Variants in HIPK1 observed in about 807,000 individuals in gnomAD.
HIPK1 encodes homeodomain-interacting protein kinase 1.
Under a neutral mutation model 117.1 loss-of-function variants are expected in HIPK1, and 28 were observed. That is an observed-to-expected ratio of 0.24 (90% CI 0.18 to 0.33). The LOEUF (loss-of-function observed/expected upper bound fraction) is 0.33, where lower values mean the gene tolerates loss of function less well. Ranked by LOEUF, HIPK1 falls within the 10% of genes least tolerant of loss-of-function variation. HIPK1 has a pLI of 1.00. For synonymous variants in HIPK1, 605 were observed against 562.5 expected (o/e 1.08, Z -1.07); for missense variants, 1,122 against 1,475.1 (o/e 0.76, Z 3.92).
At position 113,972,194 on chromosome 1, in the gene HIPK1, G is replaced by A. The variant is rs373102804; in HGVS notation, c.3144+240G>A. ...GACCTCCCTAAGTCTACCCTGGAAG[G>A]TTAGAGAAACGTCTGGGATTTAGAA... On this transcript the variant is annotated intron_variant, in intron 15 of 15. Coordinates refer to ENST00000426820, the MANE Select transcript of HIPK1 (RefSeq NM_198268.3). 3.4e-6 allele frequency: 4 copies of A among 1,166,952 alleles called. No individual in the cohort carries two copies. In the African/African-American group the frequency reaches 6.4e-5, roughly 19 times the overall value. 72.3% of individuals were successfully genotyped at this position (1,166,952 alleles called of 1,614,324 possible).
In HIPK1 at chr1:113,938,559, T is replaced by C. The variant is rs1351917483; in HGVS notation, c.-2-1823T>C. On this transcript the variant is annotated intron_variant, in intron 1 of 15. Coordinates refer to ENST00000426820, the MANE Select transcript of HIPK1 (RefSeq NM_198268.3). Reference sequence around the variant, plus strand: ...TTAAGGAGATTAGTTTGGAAGCTACTGGCAGTTTGAACTAGAATGGTGCCA... The same window carrying C: ...TTAAGGAGATTAGTTTGGAAGCTACCGGCAGTTTGAACTAGAATGGTGCCA... Among the ~76,000 whole-genome samples the C allele has an allele frequency of 3.9e-5, 6 of 152,106 alleles. No individual in the cohort carries two copies. In the East Asian group the frequency reaches 1.2e-3, roughly 29 times the overall value.
chr1:113,933,815 G>A (rs1408905886), intron 1 of HIPK1, among the ~76,000 whole-genome samples: 1 of 152,090 alleles, frequency 6.6e-6, no homozygotes, highest in Non-Finnish European at 1.5e-5. Context: ...TGCAGTGAAC[G>A]AACCATGATC....
Position 113,929,357 on chromosome 1 carries a change from G to A in HIPK1, c.-178G>A. ...ACAGTTGGATCCCGTACCACCGCCAGGCACCTTTAAATCACCGCAGAGTCT... is the reference window on the plus strand; with the variant it reads ...ACAGTTGGATCCCGTACCACCGCCAAGCACCTTTAAATCACCGCAGAGTCT... On this transcript the variant is annotated 5_prime_UTR_variant, in exon 1 of 16. Coordinates refer to ENST00000426820, the MANE Select transcript of HIPK1 (RefSeq NM_198268.3). The A allele has an allele frequency of 1.6e-6, 2 of 1,289,518 alleles. No homozygotes were observed. The highest frequency in any genetic ancestry group is 4.3e-4 in the Middle Eastern group (2 of 4,694). The allele number at this position is 1,289,518 out of a possible 1,614,324, so 79.9% of individuals were successfully genotyped here.
At chr1:113,929,826 G>A (rs1669723387) in intron 1 of HIPK1, 1 of 987,016 alleles carries the variant, frequency 1.0e-6, no homozygotes, top group South Asian at 4.5e-5. Context: ...GCCGGGGCCC[G>A]GGCCGGCTCG....
rs775334967 is a variant in HIPK1, at chr1:113,957,268, C to T, written c.1737C>T (p.Leu579=). ...TAACCATGAGCTTCAGCAATCAGCT[C>T]AATACAGTGCACAATCAGGTATTCA... ...TNLTMSFSNQ[L]NTVHNQASVL... The change falls in exon 7 of 16, where the codon CTC becomes CTT. Residue 579 remains leucine, a synonymous_variant. Transcript: ENST00000426820. 34 of 1,613,060 alleles carry T rather than the reference C, an allele frequency of 2.1e-5. No homozygotes were observed. The Middle Eastern group carries it at 3.1e-3, about 149-fold the overall frequency.
Position 113,967,841 on chromosome 1 carries a change from G to A in HIPK1, c.2457G>A (p.Leu819=), listed in dbSNP as rs780914981. 1.2e-6 allele frequency: 2 copies of A among 1,612,540 alleles called. No individual in the cohort carries two copies. The highest frequency in any genetic ancestry group is 1.7e-6 in the Non-Finnish European group (2 of 1,179,694). ...QPSLLTNHVT[L]ATAQPLNVGV... is the part of the protein sequence containing the mutation. ...CCTTGCTGACTAACCATGTGACATTGGCCACTGCTCAGCCTCTGAATGTTG... is the reference window on the plus strand; with the variant it reads ...CCTTGCTGACTAACCATGTGACATTAGCCACTGCTCAGCCTCTGAATGTTG... Residue 819 remains leucine, a synonymous_variant, in exon 12 of 16, where the codon TTG becomes TTA. Transcript: ENST00000426820.
In HIPK1 at chr1:113,967,781, T is replaced by C; in HGVS notation, c.2397T>C (p.His799=). The change falls in exon 12 of 16, where the codon CAT becomes CAC. Residue 799 remains histidine (H), a synonymous_variant. Transcript: ENST00000426820. ...QLADWRNAHS[H]GNQYSTIMQQ... ...GTTGGTACAGGAATGCCCACTCTCA[T>C]GGCAACCAGTACAGCACTATCATGC... 6.5e-7 allele frequency: 1 copy of C among 1,536,844 alleles called. No individual in the cohort carries two copies. The highest frequency in any genetic ancestry group is 8.7e-7 in the Non-Finnish European group (1 of 1,145,104).
intron 2 of HIPK1, among the ~76,000 whole-genome samples, chr1:113,944,229 TG>T (rs1484525727): frequency 7.8e-6 from 1 of 128,348 alleles, no homozygotes; most frequent in Admixed American, 9.8e-5. Context: ...TGGAGTGCAG[TG>T]GTGCGATCTC....
rs1261511766 is a variant in HIPK1, at chr1:113,974,242, G to T, written c.*730G>T. 1 of 152,596 alleles carries T rather than the reference G, an allele frequency of 6.6e-6. No homozygotes were observed. Among genetic ancestry groups the T allele is most frequent in the Non-Finnish European group, 1.5e-5 (1 of 68,026 alleles). The allele number at this position is 152,596 out of a possible 1,614,324, so 9.5% of individuals were successfully genotyped here. A position where few individuals can be genotyped will look rare whatever the true frequency, so the allele number is the denominator to read the frequency against. On this transcript the variant is annotated 3_prime_UTR_variant, in exon 16 of 16. Coordinates refer to ENST00000426820, the MANE Select transcript of HIPK1 (RefSeq NM_198268.3). The stretch of plus-strand genomic sequence containing the variant: ...GCTCACCATTTGCTGGTAACTTAAT[G>T]TGAGAGAATCCATATCTGCGTGAAA...
At chr1:113,933,273 A>G (rs1670019604) in intron 1 of HIPK1, 6 of 833,722 alleles carry the variant, frequency 7.2e-6, no homozygotes, top group Admixed American at 6.2e-5. Context: ...TAAGGGGGAA[A>G]ATGAAGTTCA....
intron 14 of HIPK1, among the ~76,000 whole-genome samples, chr1:113,970,654 T>C (rs1259785189): frequency 6.6e-6 from 1 of 152,252 alleles, no homozygotes; most frequent in Non-Finnish European, 1.5e-5. Context: ...GATGGTTTTA[T>C]TACCAACCCA....
chr1:113,936,374 A>G (rs1405491079), intron 1 of HIPK1, among the ~76,000 whole-genome samples: 4 of 152,218 alleles, frequency 2.6e-5, no homozygotes, highest in African/African-American at 9.7e-5. Flanking sequence ...AAGATCTGAA[A>G]TCATAAGTAA....
At chr1:113,962,714 G>GT (rs561945011) in intron 9 of HIPK1, among the ~76,000 whole-genome samples, 39 of 150,836 alleles carry the variant, frequency 2.6e-4, no homozygotes, top group South Asian at 2.5e-3. Flanking sequence ...GGGGTGAAGC[G>GT]TTTTTTTTTG....
chr1:113,948,261 A>T (rs1028628884), intron 2 of HIPK1, among the ~76,000 whole-genome samples: 2 of 152,064 alleles, frequency 1.3e-5, no homozygotes, highest in Admixed American at 1.3e-4. Flanking sequence ...AAGCAGCCTT[A>T]CTGCTTTTTT....
In HIPK1 at chr1:113,973,324, C is replaced by T. The variant is rs1482445900; in HGVS notation, c.3445C>T (p.Pro1149Ser). The change falls in exon 16 of 16, where the codon CCT becomes TCT. Residue 1149 changes from proline to serine, a missense_variant. By Grantham distance (74) the Pro-to-Ser change is moderately conservative. Around this residue, in one of 6 missense-constraint regions of HIPK1, gnomAD observed 731 missense variants for 860.4 expected, o/e 0.85. Transcript: ENST00000426820. ...SRHAAAYTTH[P>S]STLVHQVPVS... ...GCATGCTGCAGCCTATACCACTCAC[C>T]CTAGCACTTTGGTGCACCAGGTCCC... 5.0e-6 allele frequency: 8 copies of T among 1,614,062 alleles called. No individual in the cohort carries two copies. The highest frequency in any genetic ancestry group is 1.3e-5 in the African/African-American group (1 of 74,920).
At chr1:113,940,074 G>T (rs1670549422) in intron 1 of HIPK1, among the ~76,000 whole-genome samples, 1 of 151,660 alleles carries the variant, frequency 6.6e-6, no homozygotes, top group African/African-American at 2.4e-5. Context: ...CAAAGTGCTG[G>T]AATTAAAGGC....
At chr1:113,947,247 G>GCA (rs1354993371) in intron 2 of HIPK1, among the ~76,000 whole-genome samples, 2 of 152,142 alleles carry the variant, frequency 1.3e-5, no homozygotes, top group Non-Finnish European at 2.9e-5. Context: ...CAGACTCCAA[G>GCA]CAAAGCTCCT....
In HIPK1 at chr1:113,929,552, G is replaced by A. The variant is rs1041405008; in HGVS notation, c.-3+20G>A. On this transcript the variant is annotated intron_variant, in intron 1 of 15. Transcript: ENST00000426820. ...GCCTCAGTAGGTGTCATGGCGCGGG[G>A]CGGGTGAATAGTTCCGGCGAGGCGG... 2.2e-5 allele frequency: 28 copies of A among 1,283,180 alleles called. No homozygotes were observed. The highest frequency in any genetic ancestry group is 2.6e-5 in the Non-Finnish European group (26 of 984,090). 79.5% of individuals were successfully genotyped at this position (1,283,180 alleles called of 1,614,324 possible). A position where few individuals can be genotyped will look rare whatever the true frequency, so the allele number is the denominator to read the frequency against.
chr1:113,933,196 C>G, intron 1 of HIPK1: 1 of 985,090 alleles, frequency 1.0e-6, no homozygotes, highest in Non-Finnish European at 1.2e-6. Context: ...ACAGCCTCTG[C>G]CACACTGAAG....
Sources: allele counts gnomAD v4.1 joint callset (sites outside exome capture counted in the v4.1 genomes callset), GRCh38; gene constraint gnomAD v4.1.1; regional missense constraint gnomAD v4.1.1; transcripts MANE v1.5; gene names NCBI Gene and HGNC (gene_info 2026-07-23, HGNC 2026-07-21).